THADA: variants seen among roughly 807,000 people sequenced by gnomAD.
THADA encodes the protein tRNA (32-2'-O)-methyltransferase regulator THADA.
A neutral mutation model predicts 219.8 loss-of-function variants in THADA; 213 were observed. That is an observed-to-expected ratio of 0.97 (90% CI 0.87 to 1.09). The LOEUF (loss-of-function observed/expected upper bound fraction) is 1.09. THADA is among the 50% of genes least tolerant of loss of function. The pLI, the probability that THADA is intolerant of heterozygous loss-of-function variation, is 0.00. For synonymous variants in THADA, 1,018 were observed against 828.9 expected (o/e 1.23, Z -3.92); for missense variants, 2,956 against 2,311.3 (o/e 1.28, Z -5.72).
chr2:43,548,260 T>C (rs1214617991), intron 20 of THADA, among the ~76,000 whole-genome samples: 1 of 152,186 alleles, frequency 6.6e-6, no homozygotes, highest in African/African-American at 2.4e-5. Flanking sequence ...CCATGTGAGG[T>C]GTCAGTCTGC....
intron 20 of THADA, among the ~76,000 whole-genome samples, chr2:43,545,255 G>C (rs1695867863): frequency 6.6e-6 from 1 of 151,388 alleles, no homozygotes; most frequent in African/African-American, 2.4e-5. Context: ...GCTTTTTAAT[G>C]TGCTGCTGGA....
chr2:43,287,393 A>T (rs1056965880), intron 34 of THADA, among the ~76,000 whole-genome samples: 20 of 152,024 alleles, frequency 1.3e-4, no homozygotes, highest in African/African-American at 4.3e-4. Context: ...CTCCTGGGTT[A>T]AAGTGATTCT....
chr2:43,326,827 A>G (rs1679390828), intron 30 of THADA, among the ~76,000 whole-genome samples: 1 of 152,136 alleles, frequency 6.6e-6, no homozygotes, highest in Non-Finnish European at 1.5e-5. Context: ...AGAGAGAGGG[A>G]ATTCACTTTG....
At chr2:43,520,711 TATACACACACACACAC>T (rs374013235) in intron 22 of THADA, among the ~76,000 whole-genome samples, 4,225 of 131,438 alleles carry the variant, frequency 0.032, 99 homozygotes, top group South Asian at 0.12. Context: ...CGTATATATA[TATACACACACACACAC>T]ACACACACAC....
chr2:43,359,727 T>C (rs1361496744), intron 29 of THADA, among the ~76,000 whole-genome samples: 6 of 152,002 alleles, frequency 3.9e-5, no homozygotes, highest in Admixed American at 2.0e-4. Context: ...TCTTAGGCAT[T>C]TTCTTGGCTG....
At position 43,428,205 on chromosome 2, in the gene THADA, G is replaced by A; in HGVS notation, c.3953C>T (p.Pro1318Leu). 6.2e-7 allele frequency: 1 copy of A among 1,603,514 alleles called. No individual in the cohort carries two copies. The highest frequency in any genetic ancestry group is 8.5e-7 in the Non-Finnish European group (1 of 1,174,108). Residue 1318 changes from proline (P) to leucine (L), a missense_variant, in exon 28 of 38, where the codon CCA becomes CTA. By Grantham distance (98) the Pro-to-Leu change is moderately conservative. Transcript: ENST00000405975. The stretch of plus-strand genomic sequence containing the variant: ...CACCAAAAGTAAGAGAAACATGCTT[G>A]GATGACGATTTGGTTCTCCCATATC... ...DSDMGEPNRHPSMFLLLLVLE... is the reference protein window; with the variant it reads ...DSDMGEPNRHLSMFLLLLVLE...
intron 29 of THADA, among the ~76,000 whole-genome samples, chr2:43,349,738 G>C (rs1668037866): frequency 6.6e-6 from 1 of 152,142 alleles, no homozygotes; most frequent in Admixed American, 6.5e-5. Flanking sequence ...GATATAAATG[G>C]GGGAAATGTA....
At chr2:43,540,548 G>T (rs535904234) in intron 21 of THADA, among the ~76,000 whole-genome samples, 60 of 152,272 alleles carry the variant, frequency 3.9e-4, no homozygotes, top group African/African-American at 1.4e-3. Context: ...AAATGGATTT[G>T]TCAAAACCAT....
At chr2:43,467,897 A>T (rs1684449012) in intron 26 of THADA, among the ~76,000 whole-genome samples, 1 of 152,246 alleles carries the variant, frequency 6.6e-6, no homozygotes, top group Non-Finnish European at 1.5e-5. Flanking sequence ...TCAGTAGATA[A>T]ATCTCAATAA....
chr2:43,370,597 T>C (rs2104620219), intron 29 of THADA, among the ~76,000 whole-genome samples: 1 of 152,282 alleles, frequency 6.6e-6, no homozygotes. Context: ...CAGTGGAAGA[T>C]CATCACTTAT....
chr2:43,595,210 G>C (rs1702010836), intron 1 of THADA, among the ~76,000 whole-genome samples: 1 of 152,212 alleles, frequency 6.6e-6, no homozygotes, highest in Non-Finnish European at 1.5e-5. Flanking sequence ...CTACATCTAA[G>C]TGACATTCTA....
At chr2:43,282,845 C>A (rs978220590) in intron 35 of THADA, among the ~76,000 whole-genome samples, 1 of 152,200 alleles carries the variant, frequency 6.6e-6, no homozygotes, top group Non-Finnish European at 1.5e-5. Flanking sequence ...TCTTGACACA[C>A]GGAGTAGCAG....
At chr2:43,277,858 T>G (rs2104300746) in intron 36 of THADA, among the ~76,000 whole-genome samples, 1 of 152,270 alleles carries the variant, frequency 6.6e-6, no homozygotes, top group Admixed American at 6.5e-5. Context: ...ACATCAGCAG[T>G]GTATTCTACA....
intron 29 of THADA, among the ~76,000 whole-genome samples, chr2:43,366,492 A>C (rs1429088154): frequency 6.6e-6 from 1 of 152,194 alleles, no homozygotes; most frequent in South Asian, 2.1e-4. Flanking sequence ...AAAAAAGCAG[A>C]ATATTTAACT....
chr2:43,363,733 T>C (rs1292552291), intron 29 of THADA, among the ~76,000 whole-genome samples: 1 of 152,132 alleles, frequency 6.6e-6, no homozygotes, highest in African/African-American at 2.4e-5. Flanking sequence ...TTTACCCTTA[T>C]GGAAATAACA....
At chr2:43,347,981 G>A (rs952108008) in intron 29 of THADA, among the ~76,000 whole-genome samples, 2 of 152,188 alleles carry the variant, frequency 1.3e-5, no homozygotes, top group African/African-American at 4.8e-5. Flanking sequence ...GGGGCAGTGT[G>A]GAGGTCATAG....
chr2:43,508,574 C>A (rs6761129), intron 23 of THADA, 74 bp downstream of exon 23: 2 of 1,465,460 alleles, frequency 1.4e-6, no homozygotes, highest in Admixed American at 2.1e-5. Flanking sequence ...CTCACTCACA[C>A]GTCAAACAGG....
intron 22 of THADA, among the ~76,000 whole-genome samples, chr2:43,512,781 C>T (rs1301148156): frequency 2.0e-5 from 3 of 152,182 alleles, no homozygotes; most frequent in Non-Finnish European, 4.4e-5. Context: ...GGATTACAGG[C>T]GTGAGCCACC....
intron 26 of THADA, among the ~76,000 whole-genome samples, chr2:43,439,346 T>C (rs1463148756): frequency 6.6e-6 from 1 of 152,232 alleles, no homozygotes; most frequent in Non-Finnish European, 1.5e-5. Context: ...TCTATTTCAT[T>C]ATTAGTTACT....
Sources: gnomAD v4.1 joint callset for allele counts (sites outside exome capture counted in the v4.1 genomes callset) on GRCh38, gnomAD v4.1.1 for gene constraint, MANE v1.5 for transcripts, NCBI Gene and HGNC (gene_info 2026-07-23, HGNC 2026-07-21) for gene names.